The following TMEM117 variants were observed in gnomAD, a reference collection of about 807,000 sequenced individuals.
TMEM117 encodes the protein transmembrane protein 117.
In TMEM117, 27 loss-of-function variants were observed where a neutral mutation model predicts 52.4. That is an observed-to-expected ratio of 0.51 (90% CI 0.38 to 0.71). The LOEUF is 0.71. Ranked by LOEUF, TMEM117 falls within the 30% of genes least tolerant of loss-of-function variation. The pLI, the probability that TMEM117 is intolerant of heterozygous loss-of-function variation, is 0.00. For synonymous variants in TMEM117, 215 were observed against 206.3 expected (o/e 1.04, Z -0.36); for missense variants, 556 against 630.5 (o/e 0.88, Z 1.26).
chr12:44,315,397 A>C (rs1198864549), intron 6 of TMEM117, among the ~76,000 whole-genome samples: 1 of 152,102 alleles, frequency 6.6e-6, no homozygotes, highest in Non-Finnish European at 1.5e-5. Context: ...AGAGCTATAA[A>C]TTTTCCTGTC....
intron 5 of TMEM117, 64 bp from the exon 6 acceptor site, chr12:44,299,516 A>C: frequency 6.4e-7 from 1 of 1,567,154 alleles, no homozygotes; most frequent in Non-Finnish European, 8.7e-7. Flanking sequence ...CACAGATAAC[A>C]TGCACTCTCT....
the TMEM117 span, chr12:43,805,963 G>A: frequency 1.3e-6 from 2 of 1,545,086 alleles, no homozygotes; most frequent in Non-Finnish European, 1.7e-6. Flanking sequence ...AGGCCGCCTC[G>A]AAAGCCAATT....
Position 44,388,069 on chromosome 12 carries a change from G to A in TMEM117, c.942G>A (p.Leu314=), listed in dbSNP as rs1322550671. ...NYGIIFLVLI[L]DLNMWKNQIF... is the part of the protein sequence containing the mutation. The stretch of plus-strand genomic sequence containing the variant: ...GAATTATCTTCCTCGTCTTGATTTT[G>A]GATCTTAATATGTGGAAGAACCAAA... The change falls in exon 8 of 8, where the codon TTG becomes TTA. Residue 314 remains leucine, a synonymous_variant. Coordinates refer to ENST00000266534, the MANE Select transcript of TMEM117 (RefSeq NM_032256.3). The A allele has an allele frequency of 1.2e-6, 2 of 1,611,676 alleles. No individual in the cohort carries two copies. Among genetic ancestry groups the A allele is most frequent in the Non-Finnish European group, 1.7e-6 (2 of 1,179,012 alleles).
At chr12:44,013,666 G>A (rs1384169148) in intron 3 of TMEM117, among the ~76,000 whole-genome samples, 1 of 152,158 alleles carries the variant, frequency 6.6e-6, no homozygotes, top group Non-Finnish European at 1.5e-5. Flanking sequence ...GGGTTCCCTG[G>A]AGGTTTTAGC....
At chr12:44,041,612 C>T (rs1475219930) in intron 3 of TMEM117, among the ~76,000 whole-genome samples, 1 of 152,034 alleles carries the variant, frequency 6.6e-6, no homozygotes, top group Non-Finnish European at 1.5e-5. Context: ...ACTTCCAATC[C>T]TCAGCCTCCT....
intron 5 of TMEM117, among the ~76,000 whole-genome samples, chr12:44,248,274 A>T (rs1422982167): frequency 1.3e-5 from 2 of 152,160 alleles, no homozygotes; most frequent in African/African-American, 4.8e-5. Context: ...CCATTTACAT[A>T]GACCAAACAT....
At chr12:44,122,027 A>C in intron 3 of TMEM117, among the ~76,000 whole-genome samples, 1 of 150,390 alleles carries the variant, frequency 6.6e-6, no homozygotes, top group South Asian at 2.1e-4. Context: ...AGCAAAGGAC[A>C]TGATTTCATT....
intron 3 of TMEM117, among the ~76,000 whole-genome samples, chr12:44,053,083 G>A (rs573499195): frequency 2.2e-4 from 34 of 152,168 alleles, no homozygotes; most frequent in African/African-American, 8.0e-4. Flanking sequence ...CTACAATTCA[G>A]TTCACTTCTG....
At chr12:44,025,715 T>C (rs1946522753) in intron 3 of TMEM117, among the ~76,000 whole-genome samples, 2 of 152,226 alleles carry the variant, frequency 1.3e-5, no homozygotes, top group African/African-American at 2.4e-5. Flanking sequence ...TTAAAGAGTC[T>C]TCTTTCCTTA....
At chr12:44,217,022 G>C (rs1949727277) in intron 5 of TMEM117, among the ~76,000 whole-genome samples, 1 of 151,976 alleles carries the variant, frequency 6.6e-6, no homozygotes, top group Non-Finnish European at 1.5e-5. Flanking sequence ...TTTAACAAAA[G>C]GAACTTAGTT....
intron 7 of TMEM117, among the ~76,000 whole-genome samples, chr12:44,378,928 A>G (rs1951980163): frequency 6.6e-6 from 1 of 152,118 alleles, no homozygotes; most frequent in African/African-American, 2.4e-5. Context: ...CATGCAAACA[A>G]TTGGGTGTCT....
chr12:43,984,777 T>C (rs1749910800), intron 3 of TMEM117, among the ~76,000 whole-genome samples: 1 of 152,224 alleles, frequency 6.6e-6, no homozygotes, highest in Admixed American at 6.5e-5. Context: ...GTAATCTGTT[T>C]TTTTTTGTTA....
chr12:43,904,882 G>A (rs941607102), intron 2 of TMEM117, among the ~76,000 whole-genome samples: 1 of 152,196 alleles, frequency 6.6e-6, no homozygotes, highest in African/African-American at 2.4e-5. Flanking sequence ...GGTGGCTCAC[G>A]CCTGTAATCC....
chr12:44,171,937 C>T (rs139670044), intron 4 of TMEM117, among the ~76,000 whole-genome samples: 8 of 152,120 alleles, frequency 5.3e-5, no homozygotes, highest in South Asian at 2.1e-4. Flanking sequence ...AGCCCCAAGA[C>T]GGTGAAGGCA....
At chr12:43,912,697 A>C (rs1944533789) in intron 2 of TMEM117, among the ~76,000 whole-genome samples, 1 of 151,850 alleles carries the variant, frequency 6.6e-6, no homozygotes, top group South Asian at 2.1e-4. Context: ...ACCTTGGTTA[A>C]TATTATCCTT....
intron 6 of TMEM117, among the ~76,000 whole-genome samples, chr12:44,373,771 C>CTTTTTT (rs142046499): frequency 1.0e-4 from 6 of 60,038 alleles, no homozygotes; most frequent in Non-Finnish European, 1.7e-4. Flanking sequence ...TGTCCATTTC[C>CTTTTTT]TTTTTTTTTT....
At chr12:44,154,184 G>A (rs551959156) in intron 4 of TMEM117, among the ~76,000 whole-genome samples, 1 of 152,158 alleles carries the variant, frequency 6.6e-6, no homozygotes, top group South Asian at 2.1e-4. Flanking sequence ...AATTAAGCAT[G>A]CAACAGCAAT....
intron 6 of TMEM117, among the ~76,000 whole-genome samples, chr12:44,348,564 G>C (rs1212832502): frequency 6.6e-6 from 1 of 151,874 alleles, no homozygotes; most frequent in African/African-American, 2.4e-5. Flanking sequence ...TCTCAGAACT[G>C]TACATTTTAA....
rs201734273 is a variant in TMEM117, at chr12:44,047,121, A to ATG, written c.411-96392_411-96391dup. Among the ~76,000 whole-genome samples the ATG allele has an allele frequency of 4.9e-4, 74 of 150,546 alleles. 1 individual carries two copies. The East Asian group carries it at 0.011, about 22-fold the overall frequency. ...AATAGATTAATATTTTAGTGTATAT[A>ATG]TGTGTGTGTGTGTATATATATATAG... is the stretch of plus-strand genomic sequence containing the variant. On this transcript the variant is annotated intron_variant, in intron 3 of 7. Coordinates refer to ENST00000266534, the MANE Select transcript of TMEM117 (RefSeq NM_032256.3).
Sources: allele counts gnomAD v4.1 joint callset (sites outside exome capture counted in the v4.1 genomes callset), GRCh38; gene constraint gnomAD v4.1.1; transcripts MANE v1.5; gene names NCBI Gene and HGNC (gene_info 2026-07-23, HGNC 2026-07-21).